The following AGAP1 variants were observed in gnomAD, a reference collection of about 807,000 sequenced individuals.
AGAP1 encodes arf-GAP with GTPase, ANK repeat and PH domain-containing protein 1.
Under a neutral mutation model 105.3 loss-of-function variants are expected in AGAP1, and 29 were observed. The observed-to-expected ratio is 0.28, with a 90% CI of 0.21 to 0.38. The LOEUF is 0.38. AGAP1 is among the 10% of genes least tolerant of loss of function. The pLI, the probability that AGAP1 is intolerant of heterozygous loss-of-function variation, is 1.00. For missense variants in AGAP1, 998 were observed against 1,165.1 expected (o/e 0.86, Z 2.09); for synonymous variants, 509 against 485.9 (o/e 1.05, Z -0.63).
chr2:235,806,110 C>G (rs1234175436), intron 8 of AGAP1, among the ~76,000 whole-genome samples: 1 of 152,196 alleles, frequency 6.6e-6, no homozygotes, highest in Non-Finnish European at 1.5e-5. Flanking sequence ...GACATTGCCC[C>G]TTTAATATGT....
At chr2:235,580,041 G>C (rs1944876993) in intron 1 of AGAP1, among the ~76,000 whole-genome samples, 1 of 152,144 alleles carries the variant, frequency 6.6e-6, no homozygotes, top group African/African-American at 2.4e-5. Flanking sequence ...TTAATATAAT[G>C]TTTTTGAGAT....
chr2:235,652,288 T>C (rs1437817714), intron 1 of AGAP1, among the ~76,000 whole-genome samples: 3 of 152,090 alleles, frequency 2.0e-5, no homozygotes, highest in African/African-American at 7.2e-5. Context: ...ATGGCCATCT[T>C]AGTTATCTGA....
At chr2:235,528,497 G>T (rs887384627) in intron 1 of AGAP1, among the ~76,000 whole-genome samples, 1 of 152,072 alleles carries the variant, frequency 6.6e-6, no homozygotes, top group South Asian at 2.1e-4. Context: ...GCAGGGAAAA[G>T]TCGAAGCACA....
intron 12 of AGAP1, among the ~76,000 whole-genome samples, chr2:235,966,604 A>C (rs1172288334): frequency 6.6e-6 from 1 of 152,142 alleles, no homozygotes; most frequent in Non-Finnish European, 1.5e-5. Flanking sequence ...AAAGTGGTGA[A>C]GGGAACTTCC....
In AGAP1 at chr2:235,706,973, C is replaced by T. The variant is rs1294300990; in HGVS notation, c.164-2206C>T. ...TTAAGACACAATTAGTTACCCCTGA[C>T]TGAGCGCTTGCTGGGTGTCAGGCCC... On this transcript the variant is annotated intron_variant, in intron 1 of 17. Coordinates refer to ENST00000304032, the MANE Select transcript of AGAP1 (RefSeq NM_001037131.3). Among the ~76,000 whole-genome samples the T allele has an allele frequency of 2.6e-5, 4 of 152,376 alleles. No individual in the cohort carries two copies. In the East Asian group the frequency reaches 7.7e-4, roughly 29 times the overall value.
chr2:235,886,544 A>G (rs1306000656), intron 10 of AGAP1, among the ~76,000 whole-genome samples: 2 of 152,188 alleles, frequency 1.3e-5, no homozygotes, highest in Non-Finnish European at 2.9e-5. Flanking sequence ...GTGTTTGCCA[A>G]TTCCATCCTT....
rs530723981 is a variant in AGAP1 at position 236,050,120 on chromosome 2, A to G, written c.2114+839A>G. ...GAAGGGAGAGGAGAGGTCTCCCATC[A>G]CTGGTACTTTTTAGGTTCCTCTGAT... On this transcript the variant is annotated intron_variant, in intron 16 of 17. Transcript: ENST00000304032. The surrounding 1 kb of genome is among the most constrained non-coding windows in gnomAD (Gnocchi z 4.0). 6.6e-6 allele frequency among the ~76,000 whole-genome samples: 1 copy of G among 152,240 alleles called. No homozygotes were observed. The highest frequency in any genetic ancestry group is 1.5e-5 in the Non-Finnish European group (1 of 68,046).
chr2:235,782,105 T>G (rs556562325), intron 6 of AGAP1, among the ~76,000 whole-genome samples: 1 of 152,292 alleles, frequency 6.6e-6, no homozygotes, highest in Admixed American at 6.5e-5. Context: ...GCCCAGGAGA[T>G]GGAGCTGGGC....
rs1000086071 is a variant in AGAP1 at position 235,664,228 on chromosome 2, C to G, written c.164-44951C>G. On this transcript the variant is annotated intron_variant, in intron 1 of 17. Transcript: ENST00000304032. This position sits in a 1 kb window ranked among gnomAD's most constrained non-coding sequence, Gnocchi z 5.7. ...TAGTTTGTTTTTTTGTTTTTTTTTT[C>G]GAGACGGAGTTTCACTATTGTTGCC... Among the ~76,000 whole-genome samples, 1 of 147,968 alleles carries G rather than the reference C, an allele frequency of 6.8e-6. No individual in the cohort carries two copies. Among genetic ancestry groups the G allele is most frequent in the African/African-American group, 2.5e-5 (1 of 39,860 alleles).
chr2:235,894,994 ACAGCCT>A (rs2050735356), intron 10 of AGAP1, among the ~76,000 whole-genome samples: 1 of 152,158 alleles, frequency 6.6e-6, no homozygotes, highest in Admixed American at 6.5e-5. Flanking sequence ...TCCTCCACCC[ACAGCCT>A]CGGCCTCGGC....
intron 1 of AGAP1, among the ~76,000 whole-genome samples, chr2:235,629,266 CATTGTGTGTGTG>C (rs1422861560): frequency 7.5e-6 from 1 of 133,514 alleles, no homozygotes; most frequent in Non-Finnish European, 1.6e-5. Flanking sequence ...GAGTAGTAGT[CATTGTGTGTGTG>C]TGTGTGTGTG....
intron 8 of AGAP1, among the ~76,000 whole-genome samples, chr2:235,802,008 C>CA (rs1374606354): frequency 6.6e-6 from 1 of 152,062 alleles, no homozygotes; most frequent in Non-Finnish European, 1.5e-5. Flanking sequence ...GGGTACCTGA[C>CA]AACCCAGGTG....
intron 12 of AGAP1, among the ~76,000 whole-genome samples, chr2:235,952,929 G>A (rs940777782): frequency 6.6e-6 from 1 of 152,222 alleles, no homozygotes; most frequent in African/African-American, 2.4e-5. Flanking sequence ...AAGAGCCAGA[G>A]TATTGCTCTG....
chr2:235,643,251 T>C (rs1303032616), intron 1 of AGAP1, among the ~76,000 whole-genome samples: 1 of 151,530 alleles, frequency 6.6e-6, no homozygotes, highest in Non-Finnish European at 1.5e-5. Context: ...GCCAACATGG[T>C]GAAACTCTGT....
At chr2:235,627,649 T>C (rs1358717640) in intron 1 of AGAP1, among the ~76,000 whole-genome samples, 1 of 152,130 alleles carries the variant, frequency 6.6e-6, no homozygotes, top group Non-Finnish European at 1.5e-5. Context: ...ATCTGTTGAT[T>C]TTGGGGTCTG....
intron 1 of AGAP1, among the ~76,000 whole-genome samples, chr2:235,693,558 C>G (rs1314684802): frequency 6.6e-6 from 1 of 152,126 alleles, no homozygotes; most frequent in African/African-American, 2.4e-5. Context: ...GCGGAAAGCT[C>G]TCATTAAAAG....
chr2:235,500,715 T>C (rs1941526489), intron 1 of AGAP1, among the ~76,000 whole-genome samples: 2 of 152,280 alleles, frequency 1.3e-5, no homozygotes, highest in African/African-American at 4.8e-5. Flanking sequence ...ATGATGCTGT[T>C]TGAAAAGCAG....
chr2:235,637,389 C>A (rs1947039542), intron 1 of AGAP1, among the ~76,000 whole-genome samples: 1 of 152,124 alleles, frequency 6.6e-6, no homozygotes, highest in South Asian at 2.1e-4. Context: ...CCTTCCACCT[C>A]AGCCCCGCAA....
intron 13 of AGAP1, among the ~76,000 whole-genome samples, chr2:236,021,229 T>TA (rs1229628238): frequency 1.3e-5 from 2 of 150,644 alleles, no homozygotes; most frequent in African/African-American, 4.9e-5. Flanking sequence ...GCATGGGGAA[T>TA]AACTAGAATT....
Sources: allele counts gnomAD v4.1 joint callset (sites outside exome capture counted in the v4.1 genomes callset), GRCh38; gene constraint gnomAD v4.1.1; non-coding constraint Gnocchi (gnomAD v3.1); transcripts MANE v1.5; gene names NCBI Gene and HGNC (gene_info 2026-07-23, HGNC 2026-07-21).